The following CPNE8 variants were observed in gnomAD, a reference collection of about 807,000 sequenced individuals.
The protein encoded by CPNE8 is copine-8.
In CPNE8, 45 loss-of-function variants were observed where a neutral mutation model predicts 81.5. The observed-to-expected ratio is 0.55, with a 90% CI of 0.44 to 0.71. The LOEUF (loss-of-function observed/expected upper bound fraction) is 0.71. CPNE8 is among the 30% of genes least tolerant of loss of function. CPNE8 has a pLI of 0.00. For synonymous variants in CPNE8, 252 were observed against 226.3 expected (o/e 1.11, Z -1.02); for missense variants, 594 against 672.1 (o/e 0.88, Z 1.28).
intron 4 of CPNE8, among the ~76,000 whole-genome samples, chr12:38,844,225 A>G (rs1335325174): frequency 6.6e-6 from 1 of 152,188 alleles, no homozygotes; most frequent in Non-Finnish European, 1.5e-5. Flanking sequence ...ATCCCTTTTT[A>G]GTGTTCCAAT....
rs560397821 is a variant in CPNE8 at position 38,846,127 on chromosome 12, G to C, written c.290+2432C>G. ...AGATAAATGTTCCTGGAACAGACAAGTTTTGAGTATCAGGTAATGAATGAA... is the reference window on the plus strand; with the variant it reads ...AGATAAATGTTCCTGGAACAGACAACTTTTGAGTATCAGGTAATGAATGAA... On this transcript the variant is annotated intron_variant, in intron 4 of 19. Transcript: ENST00000331366. 1.6e-4 allele frequency among the ~76,000 whole-genome samples: 25 copies of C among 152,222 alleles called. No homozygotes were observed. The South Asian group carries it at 3.7e-3, about 23-fold the overall frequency.
At position 38,716,093 on chromosome 12, in the gene CPNE8, G is replaced by C. The variant is rs1198874000; in HGVS notation, c.914+7679C>G. ...AATACCTAGGAATATGCTTCAGCAA[G>C]GAAGAAAAAGATCTCCACAAGAAAA... is the stretch of plus-strand genomic sequence containing the variant. On this transcript the variant is annotated intron_variant, in intron 13 of 19. Coordinates refer to ENST00000331366, the MANE Select transcript of CPNE8 (RefSeq NM_153634.3). 2.6e-5 allele frequency among the ~76,000 whole-genome samples: 4 copies of C among 151,850 alleles called. 1 individual carries two copies. Among genetic ancestry groups the C allele is most frequent in the Non-Finnish European group, 5.9e-5 (4 of 67,904 alleles).
At chr12:38,695,896 G>A (rs1161865647) in intron 14 of CPNE8, among the ~76,000 whole-genome samples, 1 of 152,032 alleles carries the variant, frequency 6.6e-6, no homozygotes, top group South Asian at 2.1e-4. Context: ...GCCCCTGATA[G>A]TGTCACTGTA....
intron 5 of CPNE8, among the ~76,000 whole-genome samples, chr12:38,837,848 C>T (rs557641755): frequency 1.3e-3 from 195 of 151,934 alleles, no homozygotes; most frequent in Admixed American, 2.8e-3. Flanking sequence ...AAAGCAGTGT[C>T]AAGATAAAAT....
At chr12:38,697,503 CTT>C (rs758884269) in intron 14 of CPNE8, among the ~76,000 whole-genome samples, 34 of 152,084 alleles carry the variant, frequency 2.2e-4, no homozygotes, top group African/African-American at 5.6e-4. Context: ...TTTTAAGTCT[CTT>C]GAGTATATAT....
chr12:38,707,293 G>A (rs765106161), intron 13 of CPNE8, among the ~76,000 whole-genome samples: 1 of 152,110 alleles, frequency 6.6e-6, no homozygotes. Context: ...CAGCTTGTGC[G>A]ACAGAGTGAG....
intron 1 of CPNE8, among the ~76,000 whole-genome samples, chr12:38,904,492 G>A (rs1477689051): frequency 7.1e-6 from 1 of 140,396 alleles, no homozygotes; most frequent in Non-Finnish European, 1.5e-5. Context: ...TTTTTGAGAT[G>A]GAGTCTTGCG....
intron 1 of CPNE8, among the ~76,000 whole-genome samples, chr12:38,899,645 T>C (rs995436845): frequency 3.3e-5 from 5 of 152,254 alleles, no homozygotes; most frequent in African/African-American, 1.2e-4. Flanking sequence ...CGTTTGTGTG[T>C]ACAAAATTTG....
intron 1 of CPNE8, among the ~76,000 whole-genome samples, chr12:38,879,660 T>A (rs1007881531): frequency 3.3e-5 from 5 of 152,172 alleles, no homozygotes; most frequent in African/African-American, 1.2e-4. Context: ...TAAATATTCT[T>A]GTTAAAAAAT....
chr12:38,826,895 T>C (rs936119640), intron 6 of CPNE8, among the ~76,000 whole-genome samples: 5 of 151,398 alleles, frequency 3.3e-5, no homozygotes, highest in Non-Finnish European at 7.4e-5. Context: ...ATAGGCTGGG[T>C]GCAGTGGCTC....
chr12:38,655,493 G>C (rs1014546429), intron 19 of CPNE8, among the ~76,000 whole-genome samples: 2 of 152,168 alleles, frequency 1.3e-5, no homozygotes, highest in African/African-American at 4.8e-5. Context: ...TGAACAATTT[G>C]AGTACAATAT....
At position 38,652,448 on chromosome 12, in the gene CPNE8, TA is replaced by T. The variant is rs1448298049; in HGVS notation, c.*1433del. On this transcript the variant is annotated 3_prime_UTR_variant, in exon 20 of 20. Coordinates refer to ENST00000331366, the MANE Select transcript of CPNE8 (RefSeq NM_153634.3). The stretch of plus-strand genomic sequence containing the variant: ...ATACTGTTAGATATGTGGATGTATA[TA>T]TTTTTCTTTCCAGTAAAATAGTTTC... 2.6e-5 allele frequency: 4 copies of T among 152,624 alleles called. No homozygotes were observed. Among genetic ancestry groups the T allele is most frequent in the Admixed American group, 2.6e-4 (4 of 15,272 alleles). The allele number at this position is 152,624 out of a possible 1,614,324, so 9.5% of individuals were successfully genotyped here.
At chr12:38,875,238 C>T (rs1463960387) in intron 1 of CPNE8, among the ~76,000 whole-genome samples, 4 of 152,076 alleles carry the variant, frequency 2.6e-5, no homozygotes, top group African/African-American at 4.8e-5. Flanking sequence ...ACTTTATGCT[C>T]ATAACAATAA....
chr12:38,677,650 C>A (rs1189155584), intron 16 of CPNE8, 96 bp from the exon 17 acceptor site: 2 of 711,882 alleles, frequency 2.8e-6, no homozygotes, highest in Non-Finnish European at 5.0e-6. Context: ...ATTTTAATCT[C>A]AATAAAATAT....
intron 1 of CPNE8, among the ~76,000 whole-genome samples, chr12:38,904,318 T>C (rs1944530987): frequency 6.6e-6 from 1 of 152,140 alleles, no homozygotes; most frequent in South Asian, 2.1e-4. Context: ...TAGTGGCCAG[T>C]ACCAATTTAG....
rs180701978 is a variant in CPNE8 at position 38,838,062 on chromosome 12, T to G, written c.330+1854A>C. Among the ~76,000 whole-genome samples the G allele has an allele frequency of 2.8e-3, 424 of 152,266 alleles. 3 individuals are homozygous for G. The highest frequency in any genetic ancestry group is 9.8e-3 in the African/African-American group (406 of 41,550). On this transcript the variant is annotated intron_variant, in intron 5 of 19. Transcript: ENST00000331366. ...ATCCCATACACTTCTCTCTGCCCTGTACTTAAGGCAACTCCACTGATAGGA... is the reference window on the plus strand; with the variant it reads ...ATCCCATACACTTCTCTCTGCCCTGGACTTAAGGCAACTCCACTGATAGGA...
At chr12:38,751,498 AG>A (rs1455236823) in intron 10 of CPNE8, among the ~76,000 whole-genome samples, 1 of 152,172 alleles carries the variant, frequency 6.6e-6, no homozygotes, top group Admixed American at 6.5e-5. Context: ...TTACCTATAA[AG>A]CTTGATGTAT....
chr12:38,783,167 A>C (rs1942092998), intron 6 of CPNE8, among the ~76,000 whole-genome samples: 1 of 151,910 alleles, frequency 6.6e-6, no homozygotes, highest in African/African-American at 2.4e-5. Context: ...ATCCTTCACA[A>C]AATTTAGGAC....
At chr12:38,797,196 G>A (rs1327395171) in intron 6 of CPNE8, among the ~76,000 whole-genome samples, 1 of 152,174 alleles carries the variant, frequency 6.6e-6, no homozygotes, top group Non-Finnish European at 1.5e-5. Flanking sequence ...ACAGAGCAGT[G>A]GTTCTCCCAG....
Sources: gnomAD v4.1 joint callset for allele counts (sites outside exome capture counted in the v4.1 genomes callset) on GRCh38, gnomAD v4.1.1 for gene constraint, MANE v1.5 for transcripts, NCBI Gene and HGNC (gene_info 2026-07-23, HGNC 2026-07-21) for gene names.